STC1: variants seen among roughly 807,000 people sequenced by gnomAD.
STC1 encodes stanniocalcin-1.
A neutral mutation model predicts 22.6 loss-of-function variants in STC1; 7 were observed. The ratio of observed to expected loss-of-function variants is 0.31; its 90% CI spans 0.18 to 0.58. STC1 has a LOEUF of 0.58. Ranked by LOEUF, STC1 falls within the 20% of genes least tolerant of loss-of-function variation. The probability of loss-of-function intolerance (pLI) is 0.89; values close to 1 mark genes in which losing one functional copy is unlikely to be tolerated. For missense variants in STC1, 224 were observed against 311.0 expected (o/e 0.72, Z 2.10); for synonymous variants, 113 against 120.7 (o/e 0.94, Z 0.42).
chr8:23,844,722 C>T lies in STC1; in HGVS notation c.*48G>A. ...ACACTCAAAACTGGTGTGTCAACAC[C>T]CCTAAAATGATACTAGTTTGGTGAG... is the stretch of plus-strand genomic sequence containing the variant. On this transcript the variant is annotated 3_prime_UTR_variant, in exon 4 of 4. Coordinates refer to ENST00000290271, the MANE Select transcript of STC1 (RefSeq NM_003155.3). 1 of 1,598,170 alleles carries T rather than the reference C, an allele frequency of 6.3e-7. No homozygotes were observed. Among genetic ancestry groups the T allele is most frequent in the Non-Finnish European group, 8.6e-7 (1 of 1,168,314 alleles).
intron 1 of STC1, among the ~76,000 whole-genome samples, chr8:23,852,797 C>T (rs1326004358): frequency 2.0e-5 from 3 of 151,930 alleles, no homozygotes. Context: ...GGTAAAAGGG[C>T]CAGGGAATCC....
At position 23,844,923 on chromosome 8, in the gene STC1, C is replaced by A. The variant is rs1287977637; in HGVS notation, c.591G>T (p.Leu197=). The change falls in exon 4 of 4, where the codon CTG becomes CTT. Residue 197 remains leucine, a synonymous_variant. Transcript: ENST00000290271. ...GTGTTTGGGCACAGTGGTCTGTCTG[C>A]AGGATGTGGAAGAGGCTGGCCATGT... The part of the protein sequence containing the change: ...GPNMASLFHI[L]QTDHCAQTHP... 2 of 1,614,118 alleles carry A rather than the reference C, an allele frequency of 1.2e-6. No individual in the cohort carries two copies. Among genetic ancestry groups the A allele is most frequent in the Middle Eastern group, 1.6e-4 (1 of 6,062 alleles).
In STC1 at chr8:23,850,912, C is replaced by CTTT. The variant is rs56311630; in HGVS notation, c.473+405_473+407dup. Among the ~76,000 whole-genome samples the CTTT allele has an allele frequency of 2.1e-3, 188 of 89,394 alleles. 4 individuals are homozygous for CTTT. Among genetic ancestry groups the CTTT allele is most frequent in the African/African-American group, 5.8e-3 (132 of 22,590 alleles). The allele number at this position is 89,394 out of a possible 152,430, so 58.6% of individuals were successfully genotyped here. On this transcript the variant is annotated intron_variant, in intron 3 of 3. Coordinates refer to ENST00000290271, the MANE Select transcript of STC1 (RefSeq NM_003155.3). ...TGCATTATGACATTTAACCAGAGGGCTTTTTTTTTTTTTTTTTTTTTTAAT... is the reference window on the plus strand; with the variant it reads ...TGCATTATGACATTTAACCAGAGGGCTTTTTTTTTTTTTTTTTTTTTTTTTAAT...
chr8:23,845,832 C>T (rs1378237966), intron 3 of STC1, among the ~76,000 whole-genome samples: 1 of 152,162 alleles, frequency 6.6e-6, no homozygotes, highest in African/African-American at 2.4e-5. Flanking sequence ...AATCCTTCTT[C>T]TACTATACCA....
At chr8:23,853,933 G>T (rs1802667622) in intron 1 of STC1, 2 of 787,772 alleles carry the variant, frequency 2.5e-6, no homozygotes, top group Non-Finnish European at 3.1e-6. Context: ...CTGAAAATCA[G>T]TCTGAAGAGG....
In STC1 at chr8:23,845,021, G is replaced by T. The variant is rs1330829565; in HGVS notation, c.493C>A (p.Arg165=). 1.2e-6 allele frequency: 2 copies of T among 1,614,022 alleles called. No homozygotes were observed. The highest frequency in any genetic ancestry group is 1.7e-4 in the Middle Eastern group (1 of 6,058). Residue 165 remains arginine, a synonymous_variant, in exon 4 of 4, where the codon CGA becomes AGA. Coordinates refer to ENST00000290271, the MANE Select transcript of STC1 (RefSeq NM_003155.3). ...FSNRYYNRLV[R]SLLECDEDTV... is the part of the protein sequence containing the mutation. ...TCTTCATCACATTCCAGCAGGCTTC[G>T]GACAAGTCTGTTATAGTATCTGCAT... is the stretch of plus-strand genomic sequence containing the variant.
Position 23,852,244 on chromosome 8 carries a change from G to T in STC1, c.259C>A (p.Gln87Lys), listed in dbSNP as rs1011742782. 6.2e-7 allele frequency: 1 copy of T among 1,614,160 alleles called. No homozygotes were observed. The highest frequency in any genetic ancestry group is 8.5e-7 in the Non-Finnish European group (1 of 1,180,026). The change falls in exon 2 of 4, where the codon CAG becomes AAG. Residue 87 changes from glutamine to lysine, a missense_variant and splice_region_variant. Gln to Lys is a moderately conservative substitution (Grantham distance 53). Transcript: ENST00000290271. ...AGCAGGGGTCAAGGTTTTATTACCTGAGTGTCAAATTTAGCAGCGCTGTAC... is the reference window on the plus strand; with the variant it reads ...AGCAGGGGTCAAGGTTTTATTACCTTAGTGTCAAATTTAGCAGCGCTGTAC... ...FLYSAAKFDTQGKAFVKESLK... is the reference protein window; with the variant it reads ...FLYSAAKFDTKGKAFVKESLK...
At chr8:23,854,317 G>T in intron 1 of STC1, 89 bp downstream of exon 1, 1 of 1,215,922 alleles carries the variant, frequency 8.2e-7, no homozygotes, top group Non-Finnish European at 1.2e-6. Context: ...TTATTATCAA[G>T]ATCAGCCGTC....
chr8:23,847,215 A>G lies in STC1; in HGVS notation c.474-2175T>C, dbSNP rs1802583548. On this transcript the variant is annotated intron_variant, in intron 3 of 3. Coordinates refer to ENST00000290271, the MANE Select transcript of STC1 (RefSeq NM_003155.3). ...TCTTGTCTGGACAAAGAAGTCTAGTACCCTTAAGGTAATTAAGCTTCTGCA... is the reference window on the plus strand; with the variant it reads ...TCTTGTCTGGACAAAGAAGTCTAGTGCCCTTAAGGTAATTAAGCTTCTGCA... Among the ~76,000 whole-genome samples, 3 of 152,198 alleles carry G rather than the reference A, an allele frequency of 2.0e-5. No individual in the cohort carries two copies. The South Asian group carries it at 6.2e-4, about 31-fold the overall frequency.
chr8:23,845,413 A>C (rs1003799188), intron 3 of STC1, among the ~76,000 whole-genome samples: 1 of 152,152 alleles, frequency 6.6e-6, no homozygotes, highest in Non-Finnish European at 1.5e-5. Context: ...TAGAGAAGAA[A>C]CTAAGGTGGA....
At chr8:23,847,240 A>G (rs1208705361) in intron 3 of STC1, among the ~76,000 whole-genome samples, 1 of 152,156 alleles carries the variant, frequency 6.6e-6, no homozygotes, top group Non-Finnish European at 1.5e-5. Context: ...AAGCTTCTGC[A>G]GCCAGCTTTG....
rs548320335 is a variant in STC1 at position 23,844,576 on chromosome 8, G to T, written c.*194C>A. The T allele has an allele frequency of 1.1e-5, 7 of 646,932 alleles. No individual in the cohort carries two copies. Among genetic ancestry groups the T allele is most frequent in the South Asian group, 1.1e-4 (5 of 47,520 alleles). The allele number at this position is 646,932 out of a possible 1,614,324, so 40.1% of individuals were successfully genotyped here. On this transcript the variant is annotated 3_prime_UTR_variant, in exon 4 of 4. Transcript: ENST00000290271. ...GCAGAATGGTCACATGGATTTTGTT[G>T]GTGGGAATGCTGCCATTGCAGAATG...
intron 3 of STC1, among the ~76,000 whole-genome samples, chr8:23,848,091 G>C (rs1175741404): frequency 1.3e-5 from 2 of 152,188 alleles, no homozygotes; most frequent in African/African-American, 4.8e-5. Flanking sequence ...GAGGCAGTTA[G>C]TCTAGTTAAC....
chr8:23,843,441 C>T lies in STC1; in HGVS notation c.*1329G>A, dbSNP rs1397089790. The T allele has an allele frequency of 6.6e-6, 1 of 152,522 alleles. No homozygotes were observed. The highest frequency in any genetic ancestry group is 1.5e-5 in the Non-Finnish European group (1 of 68,022). 9.4% of individuals were successfully genotyped at this position (152,522 alleles called of 1,614,324 possible). ...GCTGGACAGCCCAGGGTTATTTATACTCTCTCAGCCCCAAGTCCCCCGGAC... is the reference window on the plus strand; with the variant it reads ...GCTGGACAGCCCAGGGTTATTTATATTCTCTCAGCCCCAAGTCCCCCGGAC... On this transcript the variant is annotated 3_prime_UTR_variant, in exon 4 of 4. Transcript: ENST00000290271.
intron 3 of STC1, among the ~76,000 whole-genome samples, chr8:23,850,042 A>C (rs921484552): frequency 1.3e-5 from 2 of 152,210 alleles, no homozygotes; most frequent in Non-Finnish European, 1.5e-5. Context: ...GTCACTTCCA[A>C]GGACTAGAGA....
chr8:23,845,173 A>G, intron 3 of STC1, 133 bp from the exon 4 acceptor site: 3 of 941,036 alleles, frequency 3.2e-6, no homozygotes, highest in Non-Finnish European at 4.7e-6. Context: ...TCATCAGCTG[A>G]AGGTGGCTTT....
chr8:23,851,779 G>A lies in STC1; in HGVS notation c.262-248C>T, dbSNP rs181815667. 1.1e-4 allele frequency among the ~76,000 whole-genome samples: 16 copies of A among 151,844 alleles called. No individual in the cohort carries two copies. The East Asian group carries it at 1.7e-3, about 17-fold the overall frequency. On this transcript the variant is annotated intron_variant, in intron 2 of 3. Coordinates refer to ENST00000290271, the MANE Select transcript of STC1 (RefSeq NM_003155.3). ...AAATTACAGAAAAAAAAGATGAACC[G>A]TGATCAACCATTCTGCAGCTTAAAA...
In STC1 at chr8:23,844,529, G is replaced by A; in HGVS notation, c.*241C>T. 3 of 542,440 alleles carry A rather than the reference G, an allele frequency of 5.5e-6. No individual in the cohort carries two copies. Among genetic ancestry groups the A allele is most frequent in the Non-Finnish European group, 9.8e-6 (3 of 305,642 alleles). The allele number at this position is 542,440 out of a possible 1,614,324, so 33.6% of individuals were successfully genotyped here. On this transcript the variant is annotated 3_prime_UTR_variant, in exon 4 of 4. Coordinates refer to ENST00000290271, the MANE Select transcript of STC1 (RefSeq NM_003155.3). ...CATGGCAGAGGAAGTTGGTAAAAGAGGGTACTTTCTCCTGAGGAGAGGCAG... is the reference window on the plus strand; with the variant it reads ...CATGGCAGAGGAAGTTGGTAAAAGAAGGTACTTTCTCCTGAGGAGAGGCAG...
In STC1 at chr8:23,844,213, C is replaced by T. The variant is rs544579051; in HGVS notation, c.*557G>A. The T allele has an allele frequency of 5.2e-5, 8 of 153,852 alleles. No homozygotes were observed. Among genetic ancestry groups the T allele is most frequent in the Non-Finnish European group, 8.7e-5 (6 of 68,938 alleles). 9.5% of individuals were successfully genotyped at this position (153,852 alleles called of 1,614,324 possible). On this transcript the variant is annotated 3_prime_UTR_variant, in exon 4 of 4. Transcript: ENST00000290271. ...GGCTCAAGCAATTTGGTAAATGTGT[C>T]GGAAAGAAAATTAGACATTGGAGGA...
Sources: allele counts gnomAD v4.1 joint callset (sites outside exome capture counted in the v4.1 genomes callset), GRCh38; gene constraint gnomAD v4.1.1; transcripts MANE v1.5; gene names NCBI Gene and HGNC (gene_info 2026-07-23, HGNC 2026-07-21).